The following CTNNA2 variants were observed in gnomAD, a reference collection of about 807,000 sequenced individuals.
CTNNA2 encodes catenin alpha 2, also known as catenin alpha-2.
Under a neutral mutation model 101.0 loss-of-function variants are expected in CTNNA2, and 42 were observed. The ratio of observed to expected loss-of-function variants is 0.42; its 90% confidence interval spans 0.32 to 0.54. The LOEUF is 0.54. CTNNA2 is among the 20% of genes least tolerant of loss of function. The pLI, the probability that CTNNA2 is intolerant of heterozygous loss-of-function variation, is 0.14. For missense variants in CTNNA2, 871 were observed against 1,223.1 expected (o/e 0.71, Z 4.29); for synonymous variants, 450 against 456.4 (o/e 0.99, Z 0.18).
At chr2:79,687,319 G>A (rs972742012) in intron 2 of CTNNA2, among the ~76,000 whole-genome samples, 18 of 152,014 alleles carry the variant, frequency 1.2e-4, no homozygotes, top group Non-Finnish European at 2.2e-4. Flanking sequence ...CAAGTTCTAA[G>A]GAGCACAGTA....
chr2:80,218,742 G>T (rs1286454532), intron 7 of CTNNA2, among the ~76,000 whole-genome samples: 1 of 152,146 alleles, frequency 6.6e-6, no homozygotes, highest in African/African-American at 2.4e-5. Context: ...AATAAATATA[G>T]CTATTAGTAT....
intron 7 of CTNNA2, among the ~76,000 whole-genome samples, chr2:79,947,009 C>T (rs1050549285): frequency 3.9e-5 from 6 of 152,158 alleles, no homozygotes; most frequent in Non-Finnish European, 8.8e-5. Context: ...ATTATACACA[C>T]TAAAAATTCT....
intron 4 of CTNNA2, among the ~76,000 whole-genome samples, chr2:79,431,340 C>T (rs1334417311): frequency 2.0e-5 from 3 of 152,018 alleles, no homozygotes; most frequent in African/African-American, 7.3e-5. Context: ...AGGAAAAGAC[C>T]CCAGAGTTAG....
intron 9 of CTNNA2, among the ~76,000 whole-genome samples, chr2:80,512,911 A>C (rs753798333): frequency 8.6e-5 from 13 of 152,044 alleles, no homozygotes; most frequent in Non-Finnish European, 1.6e-4. Flanking sequence ...GGCATCCACC[A>C]AGAATCAATT....
chr2:79,314,812 A>T (rs975632311), intron 3 of CTNNA2, among the ~76,000 whole-genome samples: 1 of 152,204 alleles, frequency 6.6e-6, no homozygotes, highest in Non-Finnish European at 1.5e-5. Context: ...GAGAAAGGCT[A>T]CACTGTGTTT....
intron 7 of CTNNA2, among the ~76,000 whole-genome samples, chr2:80,091,410 T>C (rs545864553): frequency 1.3e-5 from 2 of 152,190 alleles, no homozygotes; most frequent in African/African-American, 4.8e-5. Context: ...TTTTGGAAAA[T>C]GAGCTGATAT....
intron 7 of CTNNA2, among the ~76,000 whole-genome samples, chr2:80,307,569 A>AC (rs1438777231): frequency 6.6e-6 from 1 of 152,026 alleles, no homozygotes; most frequent in Non-Finnish European, 1.5e-5. Flanking sequence ...TATCTGATTC[A>AC]CCAGGTTACA....
rs1222267325 is a variant in CTNNA2, at chr2:79,874,336, G to T, written c.846G>T (p.Glu282Asp). 6.2e-7 allele frequency: 1 copy of T among 1,613,382 alleles called. No homozygotes were observed. Among genetic ancestry groups the T allele is most frequent in the East Asian group, 2.2e-5 (1 of 44,832 alleles). ...GCGAGCTGGCTGCGGCTCTTAATGA[G>T]TTTGACGTAAGCATCCTGGTGAGGT... Reference protein sequence around the residue: ...GIGELAAALNEFDNKIILDPM... With the variant: ...GIGELAAALNDFDNKIILDPM... Residue 282 changes from glutamate (E) to aspartate (D), a missense_variant, in exon 6 of 19, where the codon GAG becomes GAT. Physicochemically the swap from Glu to Asp is conservative, Grantham distance 45 (BLOSUM62 2). This residue lies in a region of CTNNA2 where 647 missense variants were observed against 831.5 expected (regional missense o/e 0.78). Coordinates refer to ENST00000402739, the MANE Select transcript of CTNNA2 (RefSeq NM_001282597.3).
upstream of CTNNA2, among the ~76,000 whole-genome samples, chr2:79,512,366 T>G (rs549298760): frequency 2.6e-5 from 4 of 152,142 alleles, no homozygotes; most frequent in African/African-American, 4.8e-5. Context: ...AATATTCCAG[T>G]TGTTTTAACA....
Position 79,344,518 on chromosome 2 carries a change from C to T in CTNNA2, c.-317-29313C>T, listed in dbSNP as rs770791774. Reference sequence around the variant, plus strand: ...AGTGCACATTGAAGAATTAATGAAACGCAATAGCCTCCTACCAAATGAGGT... The same window carrying T: ...AGTGCACATTGAAGAATTAATGAAATGCAATAGCCTCCTACCAAATGAGGT... On this transcript the variant is annotated intron_variant, in intron 3 of 21. Coordinates refer to the CTNNA2 transcript ENST00000466387. 1.1e-4 allele frequency among the ~76,000 whole-genome samples: 17 copies of T among 151,998 alleles called. 1 individual carries two copies. Among genetic ancestry groups the T allele is most frequent in the African/African-American group, 1.9e-4 (8 of 41,458 alleles).
chr2:79,716,350 G>A (rs530164828), intron 2 of CTNNA2, among the ~76,000 whole-genome samples: 13 of 152,210 alleles, frequency 8.5e-5, no homozygotes, highest in African/African-American at 3.1e-4. Context: ...CATGTGCCAC[G>A]GTGGTTTGCT....
intron 9 of CTNNA2, among the ~76,000 whole-genome samples, chr2:80,533,596 C>T (rs944861703): frequency 5.3e-5 from 8 of 152,114 alleles, no homozygotes; most frequent in African/African-American, 1.7e-4. Context: ...TGTCAAGCAC[C>T]GGATGGTTCA....
intron 2 of CTNNA2, among the ~76,000 whole-genome samples, chr2:79,724,452 G>A (rs1287777624): frequency 6.6e-6 from 1 of 151,940 alleles, no homozygotes; most frequent in Non-Finnish European, 1.5e-5. Context: ...GCTGTTCTCA[G>A]ATAATAAAGG....
At chr2:80,192,352 A>T (rs924090788) in intron 7 of CTNNA2, among the ~76,000 whole-genome samples, 3 of 152,094 alleles carry the variant, frequency 2.0e-5, no homozygotes, top group Non-Finnish European at 4.4e-5. Context: ...AAACCACCAT[A>T]CGATTGTCTG....
At chr2:80,486,171 G>A (rs1686567360) in intron 9 of CTNNA2, among the ~76,000 whole-genome samples, 1 of 152,132 alleles carries the variant, frequency 6.6e-6, no homozygotes, top group Non-Finnish European at 1.5e-5. Context: ...GAATTCAATT[G>A]CAGTTGATAG....
At chr2:79,662,365 T>G (rs1573605780) in intron 2 of CTNNA2, among the ~76,000 whole-genome samples, 1 of 152,274 alleles carries the variant, frequency 6.6e-6, no homozygotes, top group East Asian at 1.9e-4. Context: ...AAATGGAATT[T>G]AAAACTACAT....
intron 3 of CTNNA2, among the ~76,000 whole-genome samples, chr2:79,796,294 A>G (rs903065301): frequency 3.3e-5 from 5 of 151,506 alleles, no homozygotes; most frequent in African/African-American, 1.2e-4. Context: ...GCCTAAATTC[A>G]GGAGAATGGC....
At chr2:79,789,872 A>G (rs375196349) in intron 3 of CTNNA2, among the ~76,000 whole-genome samples, 13 of 152,118 alleles carry the variant, frequency 8.5e-5, no homozygotes, top group African/African-American at 2.2e-4. Context: ...CTATCTGGGG[A>G]GAGGCCTCCA....
At chr2:79,335,738 T>C (rs1009329496) in intron 3 of CTNNA2, among the ~76,000 whole-genome samples, 1 of 152,190 alleles carries the variant, frequency 6.6e-6, no homozygotes, top group African/African-American at 2.4e-5. Context: ...TCTATGAAGG[T>C]GGTTCATGAA....
Sources: gnomAD v4.1 joint callset for allele counts (sites outside exome capture counted in the v4.1 genomes callset) on GRCh38, gnomAD v4.1.1 for gene constraint, gnomAD v4.1.1 regional missense constraint, MANE v1.5 for transcripts, NCBI Gene and HGNC (gene_info 2026-07-23, HGNC 2026-07-21) for gene names.